The following COL19A1 variants were observed in gnomAD, a reference collection of about 807,000 sequenced individuals.
COL19A1 encodes collagen alpha-1(XIX) chain.
A neutral mutation model predicts 190.2 loss-of-function variants in COL19A1; 159 were observed. That is an observed-to-expected ratio of 0.84 (90% confidence interval 0.73 to 0.95). COL19A1 has a LOEUF of 0.95. Ranked by LOEUF, COL19A1 falls within the 40% of genes least tolerant of loss-of-function variation. The pLI is 0.00. For synonymous variants in COL19A1, 509 were observed against 458.9 expected, an observed-to-expected ratio of 1.11 and a Z score of -1.39; for missense variants, 1,418 against 1,431.9, an observed-to-expected ratio of 0.99 and a Z score of 0.16.
At chr6:69,877,120 A>G (rs1462793492) in intron 1 of COL19A1, among the ~76,000 whole-genome samples, 1 of 152,174 alleles carries the variant, frequency 6.6e-6, no homozygotes, top group Admixed American at 6.5e-5. Context: ...ATTCTTTTAT[A>G]TTTGACTCTT....
chr6:70,091,581 A>T (rs1377065409), intron 15 of COL19A1, among the ~76,000 whole-genome samples: 3 of 152,162 alleles, frequency 2.0e-5, no homozygotes, highest in Non-Finnish European at 4.4e-5. Context: ...GTCATAATGG[A>T]AATTTTATGT....
intron 11 of COL19A1, among the ~76,000 whole-genome samples, chr6:70,016,228 AG>A (rs1778066261): frequency 3.2e-5 from 1 of 30,774 alleles, no homozygotes; most frequent in Non-Finnish European, 5.1e-5. Flanking sequence ...GGGTCGGGGG[AG>A]GGGGGAGGGA....
rs73746869 is a variant in COL19A1 at position 70,128,914 on chromosome 6, G to A, written c.1342-1268G>A. On this transcript the variant is annotated intron_variant, in intron 17 of 50. Transcript: ENST00000620364. ...ACCCTCCCACAGAGCCTGGAAGATA[G>A]TGGCACTATCTTCTCCATGATTACA... is the stretch of plus-strand genomic sequence containing the variant. 5.3e-3 allele frequency among the ~76,000 whole-genome samples: 810 copies of A among 152,280 alleles called. 7 individuals are homozygous for A. Among genetic ancestry groups the A allele is most frequent in the African/African-American group, 0.018 (760 of 41,560 alleles).
At chr6:70,074,796 C>T (rs1268612980) in intron 15 of COL19A1, among the ~76,000 whole-genome samples, 1 of 147,250 alleles carries the variant, frequency 6.8e-6, no homozygotes, top group Non-Finnish European at 1.5e-5. Context: ...TGTGTCAAAA[C>T]TGACAATGAC....
chr6:69,961,708 AAC>A (rs901432208), intron 10 of COL19A1, among the ~76,000 whole-genome samples: 5 of 152,086 alleles, frequency 3.3e-5, no homozygotes, highest in African/African-American at 4.8e-5. Flanking sequence ...ACATGCATGT[AAC>A]ACACACACAT....
At chr6:70,039,055 T>TG in intron 14 of COL19A1, among the ~76,000 whole-genome samples, 1 of 149,188 alleles carries the variant, frequency 6.7e-6, no homozygotes, top group East Asian at 2.0e-4. Context: ...AGACTCCGTC[T>TG]GAAAAAAAAA....
intron 11 of COL19A1, among the ~76,000 whole-genome samples, chr6:69,986,219 TTTTA>T (rs1401895267): frequency 1.2e-4 from 8 of 64,458 alleles, no homozygotes; most frequent in Admixed American, 4.0e-4. Flanking sequence ...GACTTACACG[TTTTA>T]TATATATATA....
chr6:70,113,134 C>A (rs906475709), intron 16 of COL19A1, among the ~76,000 whole-genome samples: 1 of 152,052 alleles, frequency 6.6e-6, no homozygotes, highest in African/African-American at 2.4e-5. Flanking sequence ...CAGTATATGC[C>A]AAGGTGGGGG....
At chr6:70,151,266 A>T in intron 30 of COL19A1, 131 bp from the exon 31 acceptor site, 1 of 766,368 alleles carries the variant, frequency 1.3e-6, no homozygotes, top group Non-Finnish European at 2.1e-6. Flanking sequence ...ATGTTAAGCC[A>T]GTGATTCTAA....
chr6:69,996,356 G>T (rs1044159944), intron 11 of COL19A1, among the ~76,000 whole-genome samples: 4 of 151,988 alleles, frequency 2.6e-5, no homozygotes, highest in African/African-American at 9.7e-5. Context: ...TTATGCTTTG[G>T]CTTGGCAGTT....
At chr6:69,940,309 A>C (rs983470934) in intron 9 of COL19A1, among the ~76,000 whole-genome samples, 2 of 152,058 alleles carry the variant, frequency 1.3e-5, no homozygotes, top group African/African-American at 4.8e-5. Flanking sequence ...ACACCTATTT[A>C]TTGAGCTCCT....
chr6:69,944,327 A>G (rs1484274018), intron 9 of COL19A1, among the ~76,000 whole-genome samples: 2 of 152,140 alleles, frequency 1.3e-5, no homozygotes, highest in South Asian at 4.1e-4. Context: ...GAGCCTATAC[A>G]TAGAACAACA....
intron 16 of COL19A1, among the ~76,000 whole-genome samples, chr6:70,113,842 C>CT (rs34876942): frequency 0.03 from 1,955 of 64,168 alleles, 1 homozygote; most frequent in East Asian, 0.071. Flanking sequence ...CCAAGTCTTT[C>CT]TTTTTTTTTT....
chr6:69,957,231 A>G (rs1448612278), intron 9 of COL19A1, among the ~76,000 whole-genome samples: 1 of 152,134 alleles, frequency 6.6e-6, no homozygotes, highest in Non-Finnish European at 1.5e-5. Context: ...CTTACTGTTG[A>G]AAAATATGCA....
At chr6:70,119,475 C>T (rs1157680496) in intron 16 of COL19A1, among the ~76,000 whole-genome samples, 1 of 152,066 alleles carries the variant, frequency 6.6e-6, no homozygotes, top group African/African-American at 2.4e-5. Context: ...GTAAATAGAA[C>T]ATAGAAGAGT....
chr6:70,117,432 G>A (rs1031913817), intron 16 of COL19A1, among the ~76,000 whole-genome samples: 4 of 152,142 alleles, frequency 2.6e-5, no homozygotes, highest in African/African-American at 9.7e-5. Context: ...TGACAAGTCC[G>A]GTGGCAGACA....
intron 14 of COL19A1, among the ~76,000 whole-genome samples, chr6:70,042,557 G>A (rs865823647): frequency 4.6e-5 from 7 of 152,266 alleles, no homozygotes; most frequent in Admixed American, 1.3e-4. Flanking sequence ...ATCTGATCAG[G>A]GTGGTGGTTA....
rs143251023 is a variant in COL19A1, at chr6:70,023,285, C to T, written c.1027-342C>T. On this transcript the variant is annotated intron_variant, in intron 11 of 50. Coordinates refer to ENST00000620364, the MANE Select transcript of COL19A1 (RefSeq NM_001858.6). ...AGTAGCTGGGACTACAGGCGCGTGCCACCATGCCTGGCTAATTTTTTTTGT... is the reference window on the plus strand; with the variant it reads ...AGTAGCTGGGACTACAGGCGCGTGCTACCATGCCTGGCTAATTTTTTTTGT... Among the ~76,000 whole-genome samples the T allele has an allele frequency of 2.5e-3, 384 of 152,110 alleles. 4 individuals are homozygous for T. Among genetic ancestry groups the T allele is most frequent in the African/African-American group, 8.7e-3 (362 of 41,474 alleles).
At chr6:70,097,935 C>T (rs934570706) in intron 15 of COL19A1, among the ~76,000 whole-genome samples, 2 of 152,146 alleles carry the variant, frequency 1.3e-5, no homozygotes, top group Non-Finnish European at 2.9e-5. Context: ...GACTTATCTC[C>T]AGGATTTTCA....
Sources: allele counts gnomAD v4.1 joint callset (sites outside exome capture counted in the v4.1 genomes callset), GRCh38; gene constraint gnomAD v4.1.1; transcripts MANE v1.5; gene names NCBI Gene and HGNC (gene_info 2026-07-23, HGNC 2026-07-21).